CEMIP: variants seen among roughly 807,000 people sequenced by gnomAD.
The protein encoded by CEMIP is cell migration inducing hyaluronidase 1, also known as cell migration-inducing and hyaluronan-binding protein.
Under a neutral mutation model 156.9 loss-of-function variants are expected in CEMIP, and 105 were observed. That is an observed-to-expected ratio of 0.67 (90% confidence interval 0.57 to 0.79). The LOEUF (loss-of-function observed/expected upper bound fraction) is 0.79. Ranked by LOEUF, CEMIP falls within the 30% of genes least tolerant of loss-of-function variation. The pLI is 0.00. For missense variants in CEMIP, 1,457 were observed against 1,769.4 expected (o/e 0.82, Z 3.17); for synonymous variants, 676 against 668.4 (o/e 1.01, Z -0.17).
chr15:80,888,443 A>T (rs1428226338), intron 8 of CEMIP, among the ~76,000 whole-genome samples: 2 of 152,200 alleles, frequency 1.3e-5, no homozygotes, highest in African/African-American at 4.8e-5. Context: ...AGGAATTCAG[A>T]CCGTGAGACA....
At chr15:80,924,486 A>T (rs1900584033) in intron 17 of CEMIP, 135 bp from the exon 18 acceptor site, 2 of 764,676 alleles carry the variant, frequency 2.6e-6, no homozygotes, top group African/African-American at 1.7e-5. Flanking sequence ...TAGATCCTCT[A>T]CTTCTGTTGA....
At chr15:80,833,549 T>C (rs925042154) in intron 1 of CEMIP, among the ~76,000 whole-genome samples, 1 of 152,128 alleles carries the variant, frequency 6.6e-6, no homozygotes, top group Non-Finnish European at 1.5e-5. Flanking sequence ...CCATCCTTCC[T>C]TTGGGTATCA....
At chr15:80,884,080 A>T in intron 6 of CEMIP, 95 bp from the exon 7 acceptor site, 1 of 1,184,848 alleles carries the variant, frequency 8.4e-7, no homozygotes, top group Non-Finnish European at 1.3e-6. Flanking sequence ...ATCATCGGAT[A>T]GCATGTTAGC....
chr15:80,915,601 C>T (rs770799966), intron 14 of CEMIP, among the ~76,000 whole-genome samples: 17 of 152,064 alleles, frequency 1.1e-4, no homozygotes, highest in Admixed American at 2.0e-4. Context: ...AGATCAGCAC[C>T]GAAACCAACA....
At chr15:80,913,848 T>C (rs1307800503) in intron 14 of CEMIP, among the ~76,000 whole-genome samples, 1 of 152,240 alleles carries the variant, frequency 6.6e-6, no homozygotes, top group Non-Finnish European at 1.5e-5. Context: ...TCACGATGCG[T>C]GCTAGCAGAG....
chr15:80,814,928 C>G (rs1283124528), intron 1 of CEMIP, among the ~76,000 whole-genome samples: 2 of 152,170 alleles, frequency 1.3e-5, no homozygotes, highest in African/African-American at 2.4e-5. Context: ...CTCAGTGATC[C>G]TCCCCTCTTG....
chr15:80,926,114 T>A (rs1900657885), intron 19 of CEMIP, among the ~76,000 whole-genome samples: 1 of 151,888 alleles, frequency 6.6e-6, no homozygotes, highest in Non-Finnish European at 1.5e-5. Context: ...CTTGGTTGCA[T>A]TTCTTTCTTA....
Position 80,949,952 on chromosome 15 carries a change from C to G in CEMIP, c.*1028C>G, listed in dbSNP as rs1901746191. The G allele has an allele frequency of 6.6e-6, 1 of 152,212 alleles. No individual in the cohort carries two copies. The highest frequency in any genetic ancestry group is 2.4e-5 in the African/African-American group (1 of 41,438). The allele number at this position is 152,212 out of a possible 1,614,324, so 9.4% of individuals were successfully genotyped here. A position where few individuals can be genotyped will look rare whatever the true frequency, so the allele number is the denominator to read the frequency against. The stretch of plus-strand genomic sequence containing the variant: ...GGGGTCGCCCTTTGCTCACGTCTCT[C>G]TGGCCCACTCATGATGGAGAAGTGT... On this transcript the variant is annotated 3_prime_UTR_variant, in exon 30 of 30. Coordinates refer to ENST00000394685, the MANE Select transcript of CEMIP (RefSeq NM_001293298.2).
intron 1 of CEMIP, among the ~76,000 whole-genome samples, chr15:80,831,459 C>T (rs1283681157): frequency 6.6e-6 from 1 of 152,088 alleles, no homozygotes; most frequent in African/African-American, 2.4e-5. Flanking sequence ...CACAGGAGTG[C>T]AGATTAGGGC....
At chr15:80,811,312 G>A (rs1399882507) in intron 1 of CEMIP, among the ~76,000 whole-genome samples, 3 of 152,174 alleles carry the variant, frequency 2.0e-5, no homozygotes, top group Admixed American at 2.0e-4. Flanking sequence ...ATCCATCATG[G>A]AGCCTGGAGA....
intron 1 of CEMIP, among the ~76,000 whole-genome samples, chr15:80,808,868 A>G (rs1304021471): frequency 6.6e-6 from 1 of 152,178 alleles, no homozygotes; most frequent in African/African-American, 2.4e-5. Context: ...AGAAAGTAGA[A>G]CTGACTTTGC....
chr15:80,906,515 G>C lies in CEMIP; in HGVS notation c.1412-148G>C, dbSNP rs1306843955. On this transcript the variant is annotated intron_variant, in intron 12 of 29. Coordinates refer to ENST00000394685, the MANE Select transcript of CEMIP (RefSeq NM_001293298.2). The surrounding 1 kb of genome is among the most constrained non-coding windows in gnomAD (Gnocchi z 4.3). ...TGCAGGCGTGTGACTTCACCTCCCT[G>C]ACCTTCATCCTTCTGTAACATGAGA... 11 of 751,944 alleles carry C rather than the reference G, an allele frequency of 1.5e-5. No individual in the cohort carries two copies. The East Asian group carries it at 2.9e-4, about 20-fold the overall frequency. The allele number at this position is 751,944 out of a possible 1,614,324, so 46.6% of individuals were successfully genotyped here.
Position 80,889,510 on chromosome 15 carries a change from C to T in CEMIP, c.1004C>T (p.Ser335Phe). 1 of 1,614,168 alleles carries T rather than the reference C, an allele frequency of 6.2e-7. No homozygotes were observed. The highest frequency in any genetic ancestry group is 8.5e-7 in the Non-Finnish European group (1 of 1,180,004). ...WTEWFDHDKV[S>F]QTKGGEKISD... ...GAGTGGTTCGATCATGATAAAGTAT[C>T]TCAGACTAAAGGTGGGGAGAAAATT... is the stretch of plus-strand genomic sequence containing the variant. The change falls in exon 10 of 30, where the codon TCT (serine) becomes TTT (phenylalanine). Residue 335 changes from serine (S) to phenylalanine (F), a missense_variant. By Grantham distance (155) the Ser-to-Phe change is radical (BLOSUM62 -2). Coordinates refer to ENST00000394685, the MANE Select transcript of CEMIP (RefSeq NM_001293298.2).
rs762716808 is a variant in CEMIP at position 80,921,021 on chromosome 15, C to T, written c.2004-11C>T. 1.5e-5 allele frequency: 25 copies of T among 1,613,792 alleles called. No homozygotes were observed. Among genetic ancestry groups the T allele is most frequent in the Non-Finnish European group, 2.1e-5 (25 of 1,179,668 alleles). On this transcript the variant is annotated splice_polypyrimidine_tract_variant and intron_variant, in intron 15 of 29. Transcript: ENST00000394685. ...TTTATCTGATCTCAGGTATCTCTGC[C>T]CTCCCTGCAGTGCTGTGTCCACCTT...
Position 80,894,997 on chromosome 15 carries a change from C to A in CEMIP, c.1094C>A (p.Thr365Lys), listed in dbSNP as rs772918651. Residue 365 changes from threonine to lysine, a missense_variant, in exon 11 of 30, where the codon ACA becomes AAA. Transcript: ENST00000394685. ...TTTCTGTGTCATTCCCAGGCCACTA[C>A]AATGGATGGAGTTAACCTCAGCACC... ...CNRPIDIQATTMDGVNLSTEV... is the reference protein window; with the variant it reads ...CNRPIDIQATKMDGVNLSTEV... 3.7e-6 allele frequency: 6 copies of A among 1,614,070 alleles called. No individual in the cohort carries two copies. In the Admixed American group the frequency reaches 1.0e-4, roughly 27 times the overall value.
At chr15:80,944,225 A>C (rs1211697614) in intron 28 of CEMIP, among the ~76,000 whole-genome samples, 3 of 152,208 alleles carry the variant, frequency 2.0e-5, no homozygotes, top group Admixed American at 2.0e-4. Flanking sequence ...CGTTGCAGTG[A>C]GCCGAGATTG....
chr15:80,855,756 CAA>C (rs1383417869), intron 1 of CEMIP, among the ~76,000 whole-genome samples: 1 of 152,182 alleles, frequency 6.6e-6, no homozygotes, highest in African/African-American at 2.4e-5. Flanking sequence ...CTCCTGTCCT[CAA>C]GAGATCTGCC....
chr15:80,899,783 C>T (rs754725496), intron 12 of CEMIP, among the ~76,000 whole-genome samples: 7 of 152,162 alleles, frequency 4.6e-5, no homozygotes, highest in Non-Finnish European at 8.8e-5. Flanking sequence ...AGGAGGGAGC[C>T]AAGAAAAGCA....
chr15:80,823,852 A>G (rs913555357), intron 1 of CEMIP, among the ~76,000 whole-genome samples: 1 of 152,244 alleles, frequency 6.6e-6, no homozygotes, highest in East Asian at 1.9e-4. Context: ...AATATGCCCA[A>G]CAGAAGGCCA....
Sources: gnomAD v4.1 joint callset for allele counts (sites outside exome capture counted in the v4.1 genomes callset) on GRCh38, gnomAD v4.1.1 for gene constraint, Gnocchi (gnomAD v3.1) non-coding constraint, MANE v1.5 for transcripts, NCBI Gene and HGNC (gene_info 2026-07-23, HGNC 2026-07-21) for gene names.